MYO18B: variants seen among roughly 807,000 people sequenced by gnomAD.
MYO18B encodes myosin XVIIIB.
In MYO18B, 204 loss-of-function variants were observed where a neutral mutation model predicts 273.0. That is an observed-to-expected ratio of 0.75 (90% CI 0.67 to 0.84). The LOEUF (loss-of-function observed/expected upper bound fraction) is 0.84. MYO18B is among the 40% of genes least tolerant of loss of function. The pLI is 0.00. For synonymous variants in MYO18B, 1,330 were observed against 1,305.7 expected (o/e 1.02, Z -0.40); for missense variants, 3,212 against 3,287.6 (o/e 0.98, Z 0.56).
downstream of MYO18B, among the ~76,000 whole-genome samples, chr22:26,032,059 C>T (rs377019427): frequency 2.6e-5 from 4 of 152,222 alleles, no homozygotes; most frequent in South Asian, 2.1e-4. Context: ...GGCTCTTGCA[C>T]GAGGTTCTCC....
rs1569105177 is a variant in MYO18B, at chr22:25,847,555, G to A, written c.3678G>A (p.Lys1226=). ...SPPPPQPGRD[K]PGAGGPLALD... ...CACCACCGCAGCCTGGTAGAGACAA[G>A]CCTGGGGCAGGTGGACCTCTGGCCC... The change falls in exon 20 of 44, where the codon AAG becomes AAA. Residue 1226 remains lysine (K), a synonymous_variant. Coordinates refer to ENST00000335473, the MANE Select transcript of MYO18B (RefSeq NM_032608.7). 27 of 1,569,972 alleles carry A rather than the reference G, an allele frequency of 1.7e-5. No homozygotes were observed. The highest frequency in any genetic ancestry group is 2.3e-5 in the Non-Finnish European group (27 of 1,157,456).
At position 25,967,848 on chromosome 22, in the gene MYO18B, C is replaced by G. The variant is rs149370340; in HGVS notation, c.6156+12484C>G. Reference sequence around the variant, plus strand: ...GTCAACCCGTATCTGTTTGCCAGAGCTGACTGTGTCCATCTCTTCCCAATT... The same window carrying G: ...GTCAACCCGTATCTGTTTGCCAGAGGTGACTGTGTCCATCTCTTCCCAATT... On this transcript the variant is annotated intron_variant, in intron 39 of 43. Coordinates refer to ENST00000335473, the MANE Select transcript of MYO18B (RefSeq NM_032608.7). 2.9e-3 allele frequency among the ~76,000 whole-genome samples: 440 copies of G among 152,294 alleles called. 4 individuals carry two copies. The highest frequency in any genetic ancestry group is 9.1e-3 in the African/African-American group (379 of 41,556).
chr22:25,804,548 C>T (rs888180783), intron 12 of MYO18B, among the ~76,000 whole-genome samples: 1 of 152,206 alleles, frequency 6.6e-6, no homozygotes, highest in Non-Finnish European at 1.5e-5. Flanking sequence ...TACACAGGGA[C>T]CAGGACCCTT....
Position 25,947,839 on chromosome 22 carries a change from A to G in MYO18B, c.5748+11A>G, listed in dbSNP as rs2072007. On this transcript the variant is annotated intron_variant, in intron 36 of 43. Coordinates refer to ENST00000335473, the MANE Select transcript of MYO18B (RefSeq NM_032608.7). ...GACCTCATTGCTCAGGTAGTGAATG[A>G]GACCTTGGTGGAAGAAGCTCAGGGA... 1,372,473 of 1,606,692 alleles carry G rather than the reference A, an allele frequency of 0.85. 595,483 individuals are homozygous for G. Among genetic ancestry groups the G allele is most frequent in the Middle Eastern group, 0.94 (5,647 of 6,036 alleles).
In MYO18B at chr22:25,828,978, G is replaced by A. The variant is rs779266366; in HGVS notation, c.2979+10G>A. ...ACAGCGATATCAAGAGGTATGCCTG[G>A]GCTGGAGCAGGGCTTTCACCAGAGC... On this transcript the variant is annotated intron_variant, in intron 15 of 43. Transcript: ENST00000335473. 6.2e-7 allele frequency: 1 copy of A among 1,613,262 alleles called. No homozygotes were observed. Among genetic ancestry groups the A allele is most frequent in the East Asian group, 2.2e-5 (1 of 44,880 alleles).
At chr22:25,946,473 G>A (rs372366714) in intron 35 of MYO18B, among the ~76,000 whole-genome samples, 7 of 152,090 alleles carry the variant, frequency 4.6e-5, no homozygotes, top group South Asian at 4.1e-4. Flanking sequence ...GGTGCTCAGC[G>A]TTCTGAATGT....
chr22:25,937,204 C>A (rs545401146), intron 34 of MYO18B, among the ~76,000 whole-genome samples: 94 of 152,198 alleles, frequency 6.2e-4, no homozygotes, highest in Non-Finnish European at 1.2e-3. Flanking sequence ...CCATCTCAGC[C>A]TCCCGAATAG....
At chr22:25,813,231 C>G (rs2145839131) in intron 12 of MYO18B, among the ~76,000 whole-genome samples, 1 of 137,742 alleles carries the variant, frequency 7.3e-6, no homozygotes, top group South Asian at 2.3e-4. Flanking sequence ...GTTGCCCAGG[C>G]TGGAGTGCAA....
In MYO18B at chr22:26,003,232, G is replaced by A. The variant is rs764938468; in HGVS notation, c.6288-33G>A. The A allele has an allele frequency of 3.1e-6, 5 of 1,595,330 alleles. No individual in the cohort carries two copies. In the South Asian group the frequency reaches 4.6e-5, roughly 15 times the overall value. On this transcript the variant is annotated intron_variant, in intron 40 of 43. Coordinates refer to ENST00000335473, the MANE Select transcript of MYO18B (RefSeq NM_032608.7). ...TGCTTCCAAGCCCCTGGCAGCACGA[G>A]GATAACACACTCTTTCTTGTGCCTC...
Position 26,027,513 on chromosome 22 carries a change from C to T in MYO18B, c.7539C>T (p.Gly2513=), listed in dbSNP as rs1350047844. The T allele has an allele frequency of 1.9e-6, 3 of 1,614,014 alleles. No individual in the cohort carries two copies. The highest frequency in any genetic ancestry group is 1.1e-5 in the South Asian group (1 of 91,074). Residue 2513 remains glycine, a synonymous_variant, in exon 43 of 44, where the codon GGC becomes GGT. Coordinates refer to ENST00000335473, the MANE Select transcript of MYO18B (RefSeq NM_032608.7). The surrounding 1 kb of genome is among the most constrained non-coding windows in gnomAD (Gnocchi z 4.1). ...AHLSDSSSSS[G]SIVSFKSADS... is the part of the protein sequence containing the mutation. ...TGTCTGACTCGTCCTCATCCTCCGG[C>T]TCCATCGTGTCCTTCAAAAGTGCTG...
the MYO18B span, among the ~76,000 whole-genome samples, chr22:26,048,433 G>A: frequency 2.0e-5 from 3 of 152,062 alleles, no homozygotes; most frequent in Non-Finnish European, 4.4e-5. Context: ...TTTAGTGGCT[G>A]GGGGTTAAAG....
At chr22:25,820,123 AT>A (rs1367713036) in intron 12 of MYO18B, among the ~76,000 whole-genome samples, 1 of 147,626 alleles carries the variant, frequency 6.8e-6, no homozygotes, top group African/African-American at 2.5e-5. Flanking sequence ...CATCTCCATC[AT>A]TTTTTAAAGT....
chr22:25,911,174 C>A, intron 33 of MYO18B, 124 bp downstream of exon 33: 1 of 729,802 alleles, frequency 1.4e-6, no homozygotes, highest in Admixed American at 2.4e-5. Flanking sequence ...CCACCATATT[C>A]ACTGGCTCTT....
intron 23 of MYO18B, 151 bp from the exon 24 acceptor site, chr22:25,876,038 G>T (rs979930396): frequency 1.8e-6 from 1 of 554,344 alleles, no homozygotes; most frequent in African/African-American, 2.3e-5. Context: ...GTGTGTGTGT[G>T]TGTGTGTATG....
chr22:25,805,304 C>T (rs1031529964), intron 12 of MYO18B, among the ~76,000 whole-genome samples: 2 of 152,258 alleles, frequency 1.3e-5, no homozygotes, highest in Non-Finnish European at 2.9e-5. Context: ...CGAGCTTGGA[C>T]TGGGACTCAG....
intron 17 of MYO18B, among the ~76,000 whole-genome samples, chr22:25,838,766 C>A (rs1359872154): frequency 6.6e-6 from 1 of 152,072 alleles, no homozygotes; most frequent in Non-Finnish European, 1.5e-5. Flanking sequence ...ACCGAATCAC[C>A]TAACGATGCA....
intron 42 of MYO18B, among the ~76,000 whole-genome samples, chr22:26,017,125 TTTCCTCCC>T (rs1569298272): frequency 2.1e-4 from 27 of 129,024 alleles, no homozygotes; most frequent in African/African-American, 8.1e-4. Context: ...TCCTTCCTTC[TTTCCTCCC>T]TTCCACTCCC....
chr22:25,996,254 A>G (rs1933226348), intron 40 of MYO18B, among the ~76,000 whole-genome samples: 1 of 151,852 alleles, frequency 6.6e-6, no homozygotes, highest in African/African-American at 2.4e-5. Context: ...TACCTTGCAC[A>G]TAGTAGGGGC....
chr22:25,910,813 A>G, intron 32 of MYO18B, 133 bp from the exon 33 acceptor site: 1 of 687,620 alleles, frequency 1.5e-6, no homozygotes, highest in South Asian at 1.8e-5. Context: ...ACTACCACCC[A>G]ATCACTAGGG....
Sources: gnomAD v4.1 joint callset for allele counts (sites outside exome capture counted in the v4.1 genomes callset) on GRCh38, gnomAD v4.1.1 for gene constraint, Gnocchi (gnomAD v3.1) non-coding constraint, MANE v1.5 for transcripts, NCBI Gene and HGNC (gene_info 2026-07-23, HGNC 2026-07-21) for gene names.